The following FBXW8 variants were observed in gnomAD, a reference collection of about 807,000 sequenced individuals.
The protein encoded by FBXW8 is F-box/WD repeat-containing protein 8.
FBXW8 carries 57 observed loss-of-function variants against 65.3 expected under a neutral mutation model. That is an observed-to-expected ratio of 0.87 (90% CI 0.71 to 1.09). FBXW8 has a LOEUF of 1.09. FBXW8 is among the 50% of genes least tolerant of loss of function. The pLI is 0.00. For missense variants in FBXW8, 777 were observed against 814.8 expected, an observed-to-expected ratio of 0.95 and a Z score of 0.57; for synonymous variants, 308 against 330.2, an observed-to-expected ratio of 0.93 and a Z score of 0.73.
Position 116,928,004 on chromosome 12 carries a change from C to CTTTTT in FBXW8, c.319-13_319-9dup. 1 of 1,320,902 alleles carries CTTTTT rather than the reference C, an allele frequency of 7.6e-7. No homozygotes were observed. Among genetic ancestry groups the CTTTTT allele is most frequent in the Non-Finnish European group, 1.0e-6 (1 of 963,630 alleles). 81.8% of individuals were successfully genotyped at this position (1,320,902 alleles called of 1,614,324 possible). The stretch of plus-strand genomic sequence containing the variant: ...ATATCTAAAAATTATAAACTTCTTT[C>CTTTTT]TTTTTTTTTTCCCCTCAGAATGAAA... On this transcript the variant is annotated intron_variant, in intron 1 of 10. Transcript: ENST00000652555.
At chr12:116,973,217 G>A (rs1054418882) in intron 5 of FBXW8, among the ~76,000 whole-genome samples, 2 of 152,280 alleles carry the variant, frequency 1.3e-5, no homozygotes, top group Non-Finnish European at 1.5e-5. Context: ...TTTCCTTATA[G>A]TAGAATGTCA....
rs566188991 is a variant in FBXW8 at position 116,970,714 on chromosome 12, C to A, written c.835+5860C>A. The stretch of plus-strand genomic sequence containing the variant: ...TTTGAATGCAGTAAACAACTACCCC[C>A]CTGCCCCCAACATTGAAGTTTTAGA... On this transcript the variant is annotated intron_variant, in intron 5 of 10. Transcript: ENST00000652555. Among the ~76,000 whole-genome samples the A allele has an allele frequency of 6.6e-5, 10 of 152,318 alleles. No homozygotes were observed. In the South Asian group the frequency reaches 1.9e-3, roughly 28 times the overall value.
intron 4 of FBXW8, 78 bp from the exon 5 acceptor site, chr12:116,964,619 T>C: frequency 6.4e-7 from 1 of 1,555,994 alleles, no homozygotes. Context: ...TCTGTTGTTG[T>C]AAGGCTCTGT....
chr12:116,917,302 ATCT>A (rs1880505184), intron 1 of FBXW8, among the ~76,000 whole-genome samples: 1 of 152,214 alleles, frequency 6.6e-6, no homozygotes, highest in Admixed American at 6.5e-5. Context: ...CCATTTTATC[ATCT>A]TTGCCTTGTG....
chr12:116,976,897 G>T (rs758338712), intron 5 of FBXW8, among the ~76,000 whole-genome samples: 33 of 152,092 alleles, frequency 2.2e-4, no homozygotes, highest in Admixed American at 9.8e-4. Flanking sequence ...ATCATTTCAG[G>T]GGGTAATCAA....
intron 2 of FBXW8, among the ~76,000 whole-genome samples, chr12:116,940,565 T>TTA (rs958872960): frequency 1.3e-5 from 2 of 150,304 alleles, no homozygotes; most frequent in African/African-American, 4.9e-5. Flanking sequence ...CAAATTGGGG[T>TTA]TACTGTTGCG....
rs1180624125 is a variant in FBXW8, at chr12:116,988,706, T to C, written c.1076T>C (p.Val359Ala). Residue 359 changes from valine to alanine, a missense_variant, in exon 7 of 11, where the codon GTG (valine) becomes GCG (alanine). Val to Ala is a moderately conservative substitution (Grantham distance 64). Coordinates refer to ENST00000652555, the MANE Select transcript of FBXW8 (RefSeq NM_153348.3). ...EIVPETRRYPVAVAAAGDLMY... is the reference protein window; with the variant it reads ...EIVPETRRYPAAVAAAGDLMY... ...GTTCCAGAAACCAGAAGGTACCCTG[T>C]GGCAGTAGCCGCTGCTGGAGATCTG... The C allele has an allele frequency of 6.2e-7, 1 of 1,614,198 alleles. No individual in the cohort carries two copies. The highest frequency in any genetic ancestry group is 2.2e-5 in the East Asian group (1 of 44,880).
intron 8 of FBXW8, among the ~76,000 whole-genome samples, chr12:117,011,124 T>C (rs1592956107): frequency 1.6e-5 from 2 of 123,364 alleles, no homozygotes; most frequent in South Asian, 5.2e-4. Context: ...TTTTTTTCTT[T>C]TCCTTTTTTT....
chr12:117,027,630 C>T (rs947891678), intron 10 of FBXW8, 126 bp downstream of exon 10: 8 of 762,778 alleles, frequency 1.0e-5, no homozygotes, highest in African/African-American at 6.9e-5. Flanking sequence ...TGCCTTTCTG[C>T]GAATTGGAAA....
chr12:116,998,895 A>G (rs1294138338), intron 7 of FBXW8, among the ~76,000 whole-genome samples: 1 of 152,256 alleles, frequency 6.6e-6, no homozygotes, highest in Non-Finnish European at 1.5e-5. Context: ...TACTGTTTTC[A>G]AAATACACAT....
rs1275077484 is a variant in FBXW8 at position 116,961,695 on chromosome 12, G to A, written c.678-3002G>A. Among the ~76,000 whole-genome samples the A allele has an allele frequency of 6.6e-6, 1 of 152,210 alleles. No individual in the cohort carries two copies. On this transcript the variant is annotated intron_variant, in intron 4 of 10. Transcript: ENST00000652555. This position sits in a 1 kb window ranked among gnomAD's most constrained non-coding sequence, Gnocchi z 4.4. ...AGCTCAGAAGCTTCAGGCTGGTAGGGAGATGAACAGTGAGATGATCACAGA... is the reference window on the plus strand; with the variant it reads ...AGCTCAGAAGCTTCAGGCTGGTAGGAAGATGAACAGTGAGATGATCACAGA...
chr12:116,983,010 G>C (rs758006752), intron 5 of FBXW8, among the ~76,000 whole-genome samples: 1 of 152,136 alleles, frequency 6.6e-6, no homozygotes, highest in Non-Finnish European at 1.5e-5. Context: ...TAACCGCTCG[G>C]TGCTTCTGTT....
chr12:116,934,792 C>T (rs1411189211), intron 2 of FBXW8, among the ~76,000 whole-genome samples: 5 of 152,170 alleles, frequency 3.3e-5, no homozygotes, highest in Non-Finnish European at 5.9e-5. Context: ...GTTGATGTCA[C>T]TAGTTTTACA....
chr12:116,923,418 A>G (rs1158441770), intron 1 of FBXW8, among the ~76,000 whole-genome samples: 1 of 152,248 alleles, frequency 6.6e-6, no homozygotes, highest in Non-Finnish European at 1.5e-5. Flanking sequence ...CTTTTCCTTA[A>G]CATTGAAGGA....
chr12:116,960,914 G>C (rs570588367), intron 4 of FBXW8, among the ~76,000 whole-genome samples: 1 of 152,310 alleles, frequency 6.6e-6, no homozygotes, highest in South Asian at 2.1e-4. Flanking sequence ...GGGGAGGGGA[G>C]GGCCTGTGTT....
intron 3 of FBXW8, among the ~76,000 whole-genome samples, chr12:116,947,466 G>A (rs1883004911): frequency 6.6e-6 from 1 of 152,048 alleles, no homozygotes; most frequent in South Asian, 2.1e-4. Flanking sequence ...CATGAAAGGC[G>A]GCCCGGCACC....
In FBXW8 at chr12:116,911,084, A is replaced by C. The variant is rs1211147401; in HGVS notation, c.47A>C (p.Glu16Ala). ...GAGTTCCGTCGGCGCTGGCAGGAGG[A>C]GCTGGCGCAGGCCCAGGCGCCGAAG... ...LDEFRRRWQEELAQAQAPKKR... is the reference protein window; with the variant it reads ...LDEFRRRWQEALAQAQAPKKR... Residue 16 changes from glutamate to alanine, a missense_variant, in exon 1 of 11, where the codon GAG (glutamate) becomes GCG (alanine). Physicochemically the swap from Glu to Ala is moderately radical, Grantham distance 107 (BLOSUM62 -1). Coordinates refer to ENST00000652555, the MANE Select transcript of FBXW8 (RefSeq NM_153348.3). 1 of 1,443,354 alleles carries C rather than the reference A, an allele frequency of 6.9e-7. No homozygotes were observed. The highest frequency in any genetic ancestry group is 9.0e-7 in the Non-Finnish European group (1 of 1,106,840). The allele number at this position is 1,443,354 out of a possible 1,614,324, so 89.4% of individuals were successfully genotyped here.
chr12:116,935,085 T>C (rs544145583), intron 2 of FBXW8, among the ~76,000 whole-genome samples: 4 of 152,206 alleles, frequency 2.6e-5, no homozygotes, highest in South Asian at 2.1e-4. Context: ...TTTAGGAATT[T>C]AGCTGCATAA....
rs997102938 is a variant in FBXW8, at chr12:116,999,565, C to T, written c.1239+10696C>T. Among the ~76,000 whole-genome samples the T allele has an allele frequency of 1.3e-4, 20 of 152,186 alleles. No homozygotes were observed. The East Asian group carries it at 1.9e-3, about 15-fold the overall frequency. On this transcript the variant is annotated intron_variant, in intron 7 of 10. Transcript: ENST00000652555. ...CCTTCCTGGCTCGCCCCTGCCCTTT[C>T]CCCACCTTTATACTCTTGTGGCACC...
Sources: gnomAD v4.1 joint callset for allele counts (sites outside exome capture counted in the v4.1 genomes callset) on GRCh38, gnomAD v4.1.1 for gene constraint, Gnocchi (gnomAD v3.1) non-coding constraint, MANE v1.5 for transcripts, NCBI Gene and HGNC (gene_info 2026-07-23, HGNC 2026-07-21) for gene names.